Variants in POTEE observed in about 807,000 individuals in gnomAD.
The protein encoded by POTEE is POTE ankyrin domain family member E, also known as ANKRD26-like family C member 1A.
A neutral mutation model predicts 74.2 loss-of-function variants in POTEE; 21 were observed. The ratio of observed to expected loss-of-function variants is 0.28; its 90% CI spans 0.20 to 0.41. POTEE has a LOEUF of 0.41. Among genes scored for constraint, POTEE ranks in the 10% least tolerant of loss-of-function variants. The pLI is 1.00. For missense variants in POTEE, 525 were observed against 1,158.6 expected (o/e 0.45, Z 7.94); for synonymous variants, 211 against 432.8 (o/e 0.49, Z 6.36).
chr2:131,229,812 A>C (rs908133640), intron 8 of POTEE: 3 of 152,178 alleles, frequency 2.0e-5, no homozygotes, highest in African/African-American at 7.2e-5. Flanking sequence ...TGAAATTGTG[A>C]TTTGTGCTGC....
rs1452364361 is a variant in POTEE at position 131,263,844 on chromosome 2, G to T, written c.2389G>T (p.Ala797Ser). 6.2e-7 allele frequency: 1 copy of T among 1,614,128 alleles called. No homozygotes were observed. Among genetic ancestry groups the T allele is most frequent in the African/African-American group, 1.3e-5 (1 of 75,040 alleles). The change falls in exon 18 of 18, where the codon GCT becomes TCT. Residue 797 changes from alanine to serine, a missense_variant. Ala to Ser is a moderately conservative substitution (Grantham distance 99). Coordinates refer to ENST00000683005, the MANE Select transcript of POTEE (RefSeq NM_001083538.3). ...HHTFYNELRV[A>S]PEEHPILLTE... ...CACCTTCTACAACGAGCTGCGTGTG[G>T]CTCCCGAGGAGCACCCCATCCTGCT...
At chr2:131,235,801 A>AAT in intron 9 of POTEE, among the ~76,000 whole-genome samples, 1 of 151,544 alleles carries the variant, frequency 6.6e-6, no homozygotes, top group East Asian at 1.9e-4. Flanking sequence ...TCAAAAAAAA[A>AAT]AAAAAAAAAA....
At chr2:131,228,488 G>C in intron 8 of POTEE, 107 bp downstream of exon 8, 1 of 1,567,580 alleles carries the variant, frequency 6.4e-7, no homozygotes, top group Non-Finnish European at 8.6e-7. Flanking sequence ...GGTTCAGGTA[G>C]TTTTCGCGTG....
chr2:131,264,930 C>G lies in POTEE; in HGVS notation c.*247C>G. 1.6e-6 allele frequency: 1 copy of G among 637,204 alleles called. No individual in the cohort carries two copies. The highest frequency in any genetic ancestry group is 2.0e-5 in the South Asian group (1 of 49,792). 39.5% of individuals were successfully genotyped at this position (637,204 alleles called of 1,614,324 possible). A position where few individuals can be genotyped will look rare whatever the true frequency, so the allele number is the denominator to read the frequency against. ...GTACATTGTTCTTCTTTTCAATAGT[C>G]ATTCCAAATATTGTGAGACGCATTG... On this transcript the variant is annotated 3_prime_UTR_variant, in exon 18 of 18. Coordinates refer to ENST00000683005, the MANE Select transcript of POTEE (RefSeq NM_001083538.3).
intron 4 of POTEE, among the ~76,000 whole-genome samples, chr2:131,222,766 C>T (rs1700662679): frequency 6.6e-6 from 1 of 151,972 alleles, no homozygotes; most frequent in Admixed American, 6.6e-5. Context: ...TATTGAAAAC[C>T]AAAGTAAGAA....
intron 8 of POTEE, 144 bp from the exon 9 acceptor site, chr2:131,230,692 T>G: frequency 1.4e-6 from 1 of 707,812 alleles, no homozygotes; most frequent in South Asian, 1.9e-5. Context: ...GTTTGTAGAA[T>G]GTATTCATAA....
At chr2:131,224,663 T>C (rs1184023763) in intron 6 of POTEE, among the ~76,000 whole-genome samples, 1 of 152,006 alleles carries the variant, frequency 6.6e-6, no homozygotes, top group East Asian at 1.9e-4. Flanking sequence ...CTTTGCATGG[T>C]GAGACAAGGT....
intron 3 of POTEE, 152 bp from the exon 4 acceptor site, chr2:131,218,158 T>G (rs1700493751): frequency 4.8e-6 from 4 of 841,860 alleles, no homozygotes; most frequent in Non-Finnish European, 3.6e-6. Flanking sequence ...TTTCTGGGGT[T>G]GGCCCTTTCT....
At chr2:131,239,836 C>T (rs1219119111) in intron 12 of POTEE, among the ~76,000 whole-genome samples, 2 of 152,308 alleles carry the variant, frequency 1.3e-5, no homozygotes, top group Non-Finnish European at 2.9e-5. Context: ...CGCGACGCTC[C>T]ACCTTCAAGT....
At chr2:131,223,165 A>G (rs1284753423) in intron 4 of POTEE, among the ~76,000 whole-genome samples, 1 of 149,378 alleles carries the variant, frequency 6.7e-6, no homozygotes, top group Non-Finnish European at 1.5e-5. Flanking sequence ...TAAAAATTAA[A>G]ATATCTAACA....
At chr2:131,215,901 AAAGGAAAGGCATCTAAATAGG>A (rs1700434139) in intron 2 of POTEE, among the ~76,000 whole-genome samples, 1 of 143,284 alleles carries the variant, frequency 7.0e-6, no homozygotes, top group Non-Finnish European at 1.5e-5. Context: ...CAAGGCAAAG[AAAGGAAAGGCATCTAAATAGG>A]AAGGGAAGGG....
chr2:131,233,487 T>C (rs1047129890), intron 9 of POTEE, among the ~76,000 whole-genome samples: 13 of 152,000 alleles, frequency 8.6e-5, no homozygotes, highest in African/African-American at 3.1e-4. Context: ...AGTAGTCAGT[T>C]ATAGTTTCCT....
At chr2:131,210,029 G>A (rs1438707842) in intron 1 of POTEE, among the ~76,000 whole-genome samples, 3 of 86,130 alleles carry the variant, frequency 3.5e-5, no homozygotes, top group East Asian at 3.1e-4. Flanking sequence ...GGGGAGGCAG[G>A]TTGTGTGCAC....
At chr2:131,236,325 T>C (rs2105101935) in intron 9 of POTEE, among the ~76,000 whole-genome samples, 1 of 152,212 alleles carries the variant, frequency 6.6e-6, no homozygotes, top group Admixed American at 6.5e-5. Flanking sequence ...CGACCTTTCC[T>C]GGGCCCTGCT....
chr2:131,216,383 A>G (rs1351014803), intron 2 of POTEE, among the ~76,000 whole-genome samples: 1 of 152,272 alleles, frequency 6.6e-6, no homozygotes, highest in Non-Finnish European at 1.5e-5. Context: ...AACCAAAGCA[A>G]TCTTTAGCAA....
intron 17 of POTEE, among the ~76,000 whole-genome samples, chr2:131,263,106 T>C (rs2105142693): frequency 6.7e-6 from 1 of 150,160 alleles, no homozygotes; most frequent in Middle Eastern, 3.4e-3. Context: ...TAAATAAATA[T>C]TTAAACTTTT....
chr2:131,235,748 T>C (rs1436239861), intron 9 of POTEE, among the ~76,000 whole-genome samples: 2 of 131,566 alleles, frequency 1.5e-5, no homozygotes, highest in African/African-American at 5.8e-5. Flanking sequence ...GAGCTGAGAT[T>C]GCGCCACTGC....
In POTEE at chr2:131,264,061, A is replaced by G. The variant is rs1313776430; in HGVS notation, c.2606A>G (p.Asn869Ser). Residue 869 changes from asparagine to serine, a missense_variant, in exon 18 of 18, where the codon AAT becomes AGT. Asn to Ser is a conservative substitution (Grantham distance 46, BLOSUM62 1). Coordinates refer to ENST00000683005, the MANE Select transcript of POTEE (RefSeq NM_001083538.3). ...VTHTVPIYEGNALPHATLRLD... is the reference protein window; with the variant it reads ...VTHTVPIYEGSALPHATLRLD... Reference sequence around the variant, plus strand: ...CACACTGTGCCCATCTATGAGGGGAATGCCCTCCCCCATGCCACCCTGCGC... The same window carrying G: ...CACACTGTGCCCATCTATGAGGGGAGTGCCCTCCCCCATGCCACCCTGCGC... 7 of 1,614,218 alleles carry G rather than the reference A, an allele frequency of 4.3e-6. No homozygotes were observed. The highest frequency in any genetic ancestry group is 5.9e-6 in the Non-Finnish European group (7 of 1,180,042).
intron 16 of POTEE, among the ~76,000 whole-genome samples, chr2:131,257,028 C>T (rs1701596946): frequency 6.8e-6 from 1 of 147,164 alleles, no homozygotes; most frequent in Non-Finnish European, 1.5e-5. Context: ...CTTTGATGTA[C>T]AAATAAAAGT....
Sources: gnomAD v4.1 joint callset for allele counts (sites outside exome capture counted in the v4.1 genomes callset) on GRCh38, gnomAD v4.1.1 for gene constraint, MANE v1.5 for transcripts, NCBI Gene and HGNC (gene_info 2026-07-23, HGNC 2026-07-21) for gene names.